Variants in SNTG2 observed in about 807,000 individuals in gnomAD.
SNTG2 encodes the protein gamma-2-syntrophin.
SNTG2 carries 74 observed loss-of-function variants against 70.9 expected under a neutral mutation model. The observed-to-expected ratio is 1.04, with a 90% CI of 0.86 to 1.27. SNTG2 has a LOEUF of 1.27. Among genes scored for constraint, SNTG2 ranks in the 50% most tolerant of loss-of-function variants. SNTG2 has a pLI of 0.00. For missense variants in SNTG2, 717 were observed against 690.7 expected (o/e 1.04, Z -0.43); for synonymous variants, 278 against 273.8 (o/e 1.02, Z -0.15).
At chr2:1,113,508 C>T (rs1177069246) in intron 4 of SNTG2, among the ~76,000 whole-genome samples, 1 of 149,544 alleles carries the variant, frequency 6.7e-6, no homozygotes, top group Non-Finnish European at 1.5e-5. Context: ...CCCTTACAGT[C>T]CTTTGACGAG....
At chr2:1,218,089 C>T (rs1340937008) in intron 9 of SNTG2, among the ~76,000 whole-genome samples, 1 of 152,062 alleles carries the variant, frequency 6.6e-6, no homozygotes, top group Non-Finnish European at 1.5e-5. Context: ...CTCTCCACCA[C>T]CAGAGACCAC....
At chr2:1,103,626 G>A (rs1180937627) in intron 4 of SNTG2, among the ~76,000 whole-genome samples, 1 of 152,146 alleles carries the variant, frequency 6.6e-6, no homozygotes, top group Non-Finnish European at 1.5e-5. Flanking sequence ...TTGACCTCAT[G>A]ATCCTCCCCC....
chr2:1,328,338 C>T (rs1681844272), intron 16 of SNTG2, among the ~76,000 whole-genome samples: 1 of 152,004 alleles, frequency 6.6e-6, no homozygotes, highest in African/African-American at 2.4e-5. Context: ...CATACGTGTA[C>T]CTGTGTATGT....
At chr2:1,347,436 A>G (rs886547600) in intron 16 of SNTG2, among the ~76,000 whole-genome samples, 2 of 152,194 alleles carry the variant, frequency 1.3e-5, no homozygotes, top group African/African-American at 2.4e-5. Flanking sequence ...AGAGACTAGG[A>G]CCATCATCAA....
At chr2:1,029,077 G>A (rs970253840) in intron 1 of SNTG2, among the ~76,000 whole-genome samples, 12 of 152,108 alleles carry the variant, frequency 7.9e-5, no homozygotes, top group Non-Finnish European at 1.5e-4. Flanking sequence ...AGGCCCCCAC[G>A]TTTCCGGGCT....
intron 15 of SNTG2, among the ~76,000 whole-genome samples, chr2:1,310,750 G>A (rs752081576): frequency 5.3e-5 from 8 of 152,152 alleles, no homozygotes; most frequent in Admixed American, 1.3e-4. Context: ...AGGCAGAGCC[G>A]GGCTTGGGGC....
At chr2:1,286,195 A>C (rs1679758748) in intron 14 of SNTG2, among the ~76,000 whole-genome samples, 1 of 152,076 alleles carries the variant, frequency 6.6e-6, no homozygotes, top group African/African-American at 2.4e-5. Context: ...AGGGAACTGG[A>C]AACAGAAATT....
intron 1 of SNTG2, among the ~76,000 whole-genome samples, chr2:1,025,747 C>T (rs187584957): frequency 2.1e-4 from 32 of 152,286 alleles, no homozygotes; most frequent in Admixed American, 1.8e-3. Flanking sequence ...CTGGGTCATC[C>T]GGGATGACCC....
At chr2:1,052,069 TG>T (rs1290065760) in intron 1 of SNTG2, among the ~76,000 whole-genome samples, 6 of 152,176 alleles carry the variant, frequency 3.9e-5, no homozygotes, top group Non-Finnish European at 7.3e-5. Context: ...TTTATATTCA[TG>T]GGGGTAATTG....
At chr2:1,222,337 A>T (rs1233783844) in intron 9 of SNTG2, among the ~76,000 whole-genome samples, 2 of 152,276 alleles carry the variant, frequency 1.3e-5, no homozygotes, top group Non-Finnish European at 2.9e-5. Flanking sequence ...GTATCCAAGC[A>T]AGATAAATTC....
chr2:1,324,380 A>G (rs959744631), intron 16 of SNTG2, among the ~76,000 whole-genome samples: 1 of 152,246 alleles, frequency 6.6e-6, no homozygotes, highest in African/African-American at 2.4e-5. Flanking sequence ...GACATGCATA[A>G]CATTGATAAT....
At chr2:1,327,168 A>AT (rs1248541352) in intron 16 of SNTG2, among the ~76,000 whole-genome samples, 4 of 151,258 alleles carry the variant, frequency 2.6e-5, no homozygotes, top group South Asian at 2.1e-4. Context: ...GAAGTAAGGG[A>AT]TTTTTTTTTA....
chr2:1,165,975 G>A (rs1670681583), intron 7 of SNTG2, among the ~76,000 whole-genome samples: 1 of 152,086 alleles, frequency 6.6e-6, no homozygotes, highest in African/African-American at 2.4e-5. Flanking sequence ...AAATACCTAT[G>A]TTGATCTGAG....
chr2:1,328,514 G>A (rs954249209), intron 16 of SNTG2, among the ~76,000 whole-genome samples: 4 of 152,304 alleles, frequency 2.6e-5, no homozygotes, highest in Middle Eastern at 3.4e-3. Context: ...TCTTAGGGCT[G>A]TTAGAAGATT....
At chr2:1,119,450 A>G (rs1667243353) in intron 4 of SNTG2, among the ~76,000 whole-genome samples, 1 of 152,170 alleles carries the variant, frequency 6.6e-6, no homozygotes, top group Non-Finnish European at 1.5e-5. Flanking sequence ...AAGTCAAAAC[A>G]GTAAAACTAA....
At chr2:984,560 T>C (rs1473526777) in intron 1 of SNTG2, among the ~76,000 whole-genome samples, 1 of 152,172 alleles carries the variant, frequency 6.6e-6, no homozygotes, top group Non-Finnish European at 1.5e-5. Flanking sequence ...TTTGGTGCAC[T>C]CTGACTGCTT....
chr2:1,081,162 C>T lies in SNTG2; in HGVS notation c.73-2356C>T, dbSNP rs553600503. Among the ~76,000 whole-genome samples, 134 of 152,336 alleles carry T rather than the reference C, an allele frequency of 8.8e-4. 1 individual carries two copies. Among genetic ancestry groups the T allele is most frequent in the Non-Finnish European group, 1.5e-3 (99 of 68,030 alleles). ...AGCCCCTCCCATTGTCAAGCCCACA[C>T]GCCTGGGCTAGGGGCTCAGTGCTTG... On this transcript the variant is annotated intron_variant, in intron 1 of 16. Coordinates refer to ENST00000308624, the MANE Select transcript of SNTG2 (RefSeq NM_018968.4).
intron 12 of SNTG2, among the ~76,000 whole-genome samples, chr2:1,249,670 G>C (rs1677643438): frequency 1.3e-5 from 2 of 152,138 alleles, no homozygotes; most frequent in African/African-American, 4.8e-5. Flanking sequence ...GTATTCATTT[G>C]TATTCTGCTT....
intron 8 of SNTG2, among the ~76,000 whole-genome samples, chr2:1,204,228 G>T (rs1433274473): frequency 6.6e-6 from 1 of 152,110 alleles, no homozygotes; most frequent in Non-Finnish European, 1.5e-5. Flanking sequence ...GATTTGGGCT[G>T]CATGGGCTAT....
Sources: allele counts gnomAD v4.1 joint callset (sites outside exome capture counted in the v4.1 genomes callset), GRCh38; gene constraint gnomAD v4.1.1; transcripts MANE v1.5; gene names NCBI Gene and HGNC (gene_info 2026-07-23, HGNC 2026-07-21).